CKAP5: variants seen among roughly 807,000 people sequenced by gnomAD.
The protein encoded by CKAP5 is cytoskeleton associated protein 5.
Under a neutral mutation model 232.8 loss-of-function variants are expected in CKAP5, and 27 were observed. That is an observed-to-expected ratio of 0.12 (90% CI 0.09 to 0.16). The LOEUF is 0.16. CKAP5 is among the 10% of genes least tolerant of loss of function. The probability of loss-of-function intolerance (pLI) is 1.00; values close to 1 mark genes in which losing one functional copy is unlikely to be tolerated. For synonymous variants in CKAP5, 785 were observed against 841.1 expected, an observed-to-expected ratio of 0.93 and a Z score of 1.16; for missense variants, 1,838 against 2,424.7, an observed-to-expected ratio of 0.76 and a Z score of 5.08.
At chr11:46,824,626 TA>T (rs2134696710) in intron 1 of CKAP5, among the ~76,000 whole-genome samples, 2 of 152,308 alleles carry the variant, frequency 1.3e-5, no homozygotes, top group South Asian at 4.1e-4. Context: ...TAAAAATTAT[TA>T]TACCTCTGTA....
chr11:46,804,864 A>T (rs1342684872), intron 8 of CKAP5, among the ~76,000 whole-genome samples: 2 of 151,478 alleles, frequency 1.3e-5, no homozygotes, highest in South Asian at 2.1e-4. Context: ...TATATATATA[A>T]AAAATCAAAT....
At chr11:46,844,374 G>C (rs1423687774) in intron 1 of CKAP5, among the ~76,000 whole-genome samples, 1 of 152,112 alleles carries the variant, frequency 6.6e-6, no homozygotes, top group Non-Finnish European at 1.5e-5. Flanking sequence ...CTCTTCATCT[G>C]TATGCTTTGT....
intron 35 of CKAP5, 99 bp downstream of exon 35, chr11:46,758,824 G>A (rs982871631): frequency 8.3e-6 from 11 of 1,323,610 alleles, no homozygotes; most frequent in African/African-American, 1.5e-5. Flanking sequence ...AACACTGCCT[G>A]CATCCCCTAA....
chr11:46,744,439 A>T lies in CKAP5; in HGVS notation c.5843T>A (p.Leu1948Gln), dbSNP rs2065007787. ...RLKILRQRCGLDNTKQDDRPP... is the reference protein window; with the variant it reads ...RLKILRQRCGQDNTKQDDRPP... Reference sequence around the variant, plus strand: ...AAGGAGCAGTACCTTTGTGTTGTCCAGACCACATCGCTGTCGGAGGATCTT... The same window carrying T: ...AAGGAGCAGTACCTTTGTGTTGTCCTGACCACATCGCTGTCGGAGGATCTT... The change falls in exon 43 of 44, where the codon CTG becomes CAG. Residue 1948 changes from leucine to glutamine, a missense_variant. Transcript: ENST00000529230. The T allele has an allele frequency of 6.2e-7, 1 of 1,614,046 alleles. No homozygotes were observed. The highest frequency in any genetic ancestry group is 1.3e-5 in the African/African-American group (1 of 74,928).
chr11:46,823,332 TA>T, intron 1 of CKAP5, among the ~76,000 whole-genome samples: 1 of 152,124 alleles, frequency 6.6e-6, no homozygotes, highest in East Asian at 1.9e-4. Context: ...AAAATCTAAG[TA>T]TTAAAATACA....
chr11:46,830,711 G>A (rs1939771006), intron 1 of CKAP5, among the ~76,000 whole-genome samples: 3 of 152,088 alleles, frequency 2.0e-5, no homozygotes, highest in Admixed American at 2.0e-4. Context: ...TAGAAAACTA[G>A]GACATCATTG....
intron 1 of CKAP5, among the ~76,000 whole-genome samples, chr11:46,827,887 TAGG>T (rs1188767848): frequency 2.0e-5 from 3 of 152,234 alleles, no homozygotes; most frequent in East Asian, 3.8e-4. Flanking sequence ...TTTCTTTTTG[TAGG>T]AGGAGTTTGT....
intron 16 of CKAP5, among the ~76,000 whole-genome samples, chr11:46,785,733 C>T (rs2065385178): frequency 6.6e-6 from 1 of 152,150 alleles, no homozygotes; most frequent in South Asian, 2.1e-4. Flanking sequence ...ATGCTTGAGC[C>T]CAGGAGTTCA....
chr11:46,747,601 C>CAAA (rs560103390), intron 42 of CKAP5, among the ~76,000 whole-genome samples: 4 of 62,274 alleles, frequency 6.4e-5, no homozygotes, highest in African/African-American at 1.2e-4. Context: ...GACTTCATCT[C>CAAA]AAAAAAAAAA....
intron 2 of CKAP5, 141 bp downstream of exon 2, chr11:46,821,034 T>G: frequency 3.4e-6 from 2 of 585,646 alleles, no homozygotes; most frequent in South Asian, 5.2e-5. Flanking sequence ...CTATTTTCAA[T>G]GAGAAAAAAT....
At chr11:46,814,810 G>A (rs961926269) in intron 4 of CKAP5, among the ~76,000 whole-genome samples, 3 of 152,170 alleles carry the variant, frequency 2.0e-5, no homozygotes, top group Non-Finnish European at 4.4e-5. Context: ...TTCACTGTGC[G>A]TCTCTTTAAA....
At chr11:46,779,317 G>C (rs1369897841) in intron 20 of CKAP5, among the ~76,000 whole-genome samples, 1 of 152,060 alleles carries the variant, frequency 6.6e-6, no homozygotes, top group Non-Finnish European at 1.5e-5. Flanking sequence ...ATTTTTAGTA[G>C]AGATGGAGTT....
At position 46,811,064 on chromosome 11, in the gene CKAP5, A is replaced by T. The variant is rs1285222631; in HGVS notation, c.573T>A (p.Ile191=). The change falls in exon 5 of 44, where the codon ATT becomes ATA. Residue 191 remains isoleucine (I), a synonymous_variant. Transcript: ENST00000529230. ...TCAGAGCATCCCGAATCCATCTGTAAATCTCCACAGCAATTAGTTTGGCTT... is the reference window on the plus strand; with the variant it reads ...TCAGAGCATCCCGAATCCATCTGTATATCTCCACAGCAATTAGTTTGGCTT... ...RDEAKLIAVE[I]YRWIRDALRP... 6.2e-7 allele frequency: 1 copy of T among 1,613,990 alleles called. No individual in the cohort carries two copies. Among genetic ancestry groups the T allele is most frequent in the African/African-American group, 1.3e-5 (1 of 74,928 alleles).
In CKAP5 at chr11:46,824,800, A is replaced by G. The variant is rs78642284; in HGVS notation, c.-37-3532T>C. Among the ~76,000 whole-genome samples, 5 of 152,346 alleles carry G rather than the reference A, an allele frequency of 3.3e-5. No individual in the cohort carries two copies. The East Asian group carries it at 7.7e-4, about 24-fold the overall frequency. ...CAGATATAAGAACCAAGTTTTTGCT[A>G]CACAGTAGAGTTTGATGCCTAAAGA... On this transcript the variant is annotated intron_variant, in intron 1 of 43. Transcript: ENST00000529230.
intron 1 of CKAP5, among the ~76,000 whole-genome samples, chr11:46,827,719 C>G (rs1939687572): frequency 6.6e-6 from 1 of 152,292 alleles, no homozygotes; most frequent in South Asian, 2.1e-4. Context: ...ATGTACAAGT[C>G]TATGTAAGTA....
chr11:46,798,741 G>T (rs1169866846), intron 9 of CKAP5, among the ~76,000 whole-genome samples: 1 of 152,038 alleles, frequency 6.6e-6, no homozygotes, highest in Non-Finnish European at 1.5e-5. Flanking sequence ...TTTCTTTTTG[G>T]GGTGATGAAG....
At chr11:46,807,941 C>A in intron 8 of CKAP5, 90 bp downstream of exon 8, 3 of 812,626 alleles carry the variant, frequency 3.7e-6, no homozygotes, top group Non-Finnish European at 2.0e-6. Flanking sequence ...CCTTAAGTGG[C>A]AATGTATGTG....
At chr11:46,827,861 A>G (rs772823296) in intron 1 of CKAP5, among the ~76,000 whole-genome samples, 2 of 152,242 alleles carry the variant, frequency 1.3e-5, no homozygotes, top group Non-Finnish European at 2.9e-5. Context: ...TCCAAAGGTT[A>G]GCAACTAGTT....
intron 24 of CKAP5, among the ~76,000 whole-genome samples, chr11:46,774,103 G>T (rs2065271752): frequency 6.6e-6 from 1 of 152,162 alleles, no homozygotes; most frequent in Non-Finnish European, 1.5e-5. Context: ...AGATGAACAT[G>T]ATTGCATATT....
Sources: gnomAD v4.1 joint callset for allele counts (sites outside exome capture counted in the v4.1 genomes callset) on GRCh38, gnomAD v4.1.1 for gene constraint, MANE v1.5 for transcripts, NCBI Gene and HGNC (gene_info 2026-07-23, HGNC 2026-07-21) for gene names.